The following IPCEF1 variants were observed in gnomAD, a reference collection of about 807,000 sequenced individuals.
IPCEF1 encodes interaction protein for cytohesin exchange factors 1.
Under a neutral mutation model 50.9 loss-of-function variants are expected in IPCEF1, and 31 were observed. The observed-to-expected ratio is 0.61, with a 90% CI of 0.46 to 0.82. The LOEUF (loss-of-function observed/expected upper bound fraction) is 0.82. IPCEF1 is among the 40% of genes least tolerant of loss of function. The pLI is 0.00. For synonymous variants in IPCEF1, 181 were observed against 192.0 expected, an observed-to-expected ratio of 0.94 and a Z score of 0.47; for missense variants, 458 against 514.0, an observed-to-expected ratio of 0.89 and a Z score of 1.05.
At chr6:154,346,012 T>C (rs1332163480) in intron 1 of IPCEF1, among the ~76,000 whole-genome samples, 1 of 152,014 alleles carries the variant, frequency 6.6e-6, no homozygotes, top group Non-Finnish European at 1.5e-5. Context: ...ACCACAGGCA[T>C]GTGCCACCGC....
intron 10 of IPCEF1, among the ~76,000 whole-genome samples, chr6:154,169,433 A>G (rs926912133): frequency 6.6e-6 from 1 of 152,224 alleles, no homozygotes; most frequent in Middle Eastern, 3.2e-3. Context: ...ATCCTGAGAC[A>G]AAATTCATCT....
rs1227536621 is a variant in IPCEF1 at position 154,247,443 on chromosome 6, A to C, written c.76+6T>G. 1 of 1,611,018 alleles carries C rather than the reference A, an allele frequency of 6.2e-7. No individual in the cohort carries two copies. The highest frequency in any genetic ancestry group is 2.2e-5 in the East Asian group (1 of 44,876). ...GGAGATAAAGAAACAAAAGAGATCT[A>C]ATTACCTTGAGTTTTCCTCCTGGGC... On this transcript the variant is annotated splice_donor_region_variant and intron_variant, in intron 4 of 11. Transcript: ENST00000367220.
At chr6:154,172,709 A>G (rs1799975413) in intron 10 of IPCEF1, among the ~76,000 whole-genome samples, 1 of 152,226 alleles carries the variant, frequency 6.6e-6, no homozygotes, top group African/African-American at 2.4e-5. Context: ...CTGCCTCTCT[A>G]GATTCCACCT....
chr6:154,210,819 T>G (rs1210149000), intron 9 of IPCEF1, among the ~76,000 whole-genome samples: 1 of 152,238 alleles, frequency 6.6e-6, no homozygotes, highest in Non-Finnish European at 1.5e-5. Flanking sequence ...TAATCATATT[T>G]AATAGATAGT....
Position 154,159,916 on chromosome 6 carries a change from C to A in IPCEF1, c.1229G>T (p.Arg410Leu), listed in dbSNP as rs1262889668. The change falls in exon 12 of 12, where the codon CGG becomes CTG. Residue 410 changes from arginine to leucine, a missense_variant. Physicochemically the swap from Arg to Leu is moderately radical, Grantham distance 102. Coordinates refer to ENST00000367220, the MANE Select transcript of IPCEF1 (RefSeq NM_001130700.2). ...LLIQDIYQQQ[R>L]ASPAPDDTDD... ...AGTGTCATCAGGGGCAGGCGAAGCC[C>A]GCTGCTGCTGATAGATGTCCTGGAT... The A allele has an allele frequency of 1.2e-6, 2 of 1,613,556 alleles. No homozygotes were observed.
At chr6:154,232,973 T>A (rs1248613932) in intron 5 of IPCEF1, among the ~76,000 whole-genome samples, 3 of 150,550 alleles carry the variant, frequency 2.0e-5, no homozygotes, top group African/African-American at 7.3e-5. Context: ...TCTTTTCTTT[T>A]TTTTTTTTTT....
chr6:154,237,120 C>G (rs1213311775), intron 5 of IPCEF1, among the ~76,000 whole-genome samples: 1 of 152,108 alleles, frequency 6.6e-6, no homozygotes, highest in African/African-American at 2.4e-5. Context: ...GGAACCTGAC[C>G]CTTAAAAGAG....
At position 154,156,617 on chromosome 6, in the gene IPCEF1, A is replaced by G. The variant is rs1344841609; in HGVS notation, c.*3211T>C. On this transcript the variant is annotated 3_prime_UTR_variant, in exon 12 of 12. Transcript: ENST00000367220. ...AATGTAAGGCATGGGTTTCACATTG[A>G]AATCTGACTCCAAACACAATCTCTT... is the stretch of plus-strand genomic sequence containing the variant. The G allele has an allele frequency of 6.6e-6, 1 of 152,350 alleles. No homozygotes were observed. The highest frequency in any genetic ancestry group is 1.9e-4 in the East Asian group (1 of 5,184). 9.4% of individuals were successfully genotyped at this position (152,350 alleles called of 1,614,324 possible). A position where few individuals can be genotyped will look rare whatever the true frequency, so the allele number is the denominator to read the frequency against.
intron 1 of IPCEF1, among the ~76,000 whole-genome samples, chr6:154,296,696 G>A (rs1431173606): frequency 6.6e-6 from 1 of 151,988 alleles, no homozygotes; most frequent in Non-Finnish European, 1.5e-5. Context: ...AGGCATGGTG[G>A]CGGGCGCCTG....
At chr6:154,231,658 T>C (rs1779730617) in intron 5 of IPCEF1, among the ~76,000 whole-genome samples, 2 of 152,126 alleles carry the variant, frequency 1.3e-5, no homozygotes, top group African/African-American at 4.8e-5. Flanking sequence ...GAGGAAGAGA[T>C]TTGACTCAAT....
intron 1 of IPCEF1, among the ~76,000 whole-genome samples, chr6:154,299,683 G>A (rs1022680020): frequency 7.1e-6 from 1 of 140,380 alleles, no homozygotes; most frequent in African/African-American, 2.5e-5. Flanking sequence ...GATAGGTGCA[G>A]CAAACCACCG....
chr6:154,219,985 AGTGTGTGTGTGTGTGTGTGTGT>A (rs57450665), intron 7 of IPCEF1, among the ~76,000 whole-genome samples: 4 of 140,052 alleles, frequency 2.9e-5, no homozygotes, highest in African/African-American at 7.9e-5. Context: ...ACCTGTAAGG[AGTGTGTGTGTGTGTGTGTGTGT>A]GTGTGTGTGT....
chr6:154,241,901 C>T (rs779512344), intron 5 of IPCEF1, among the ~76,000 whole-genome samples: 1 of 152,176 alleles, frequency 6.6e-6, no homozygotes, highest in Non-Finnish European at 1.5e-5. Flanking sequence ...CCCTAAGTCA[C>T]CTCTAAATGG....
chr6:154,305,217 G>T (rs908434126), intron 1 of IPCEF1, among the ~76,000 whole-genome samples: 3 of 152,186 alleles, frequency 2.0e-5, no homozygotes, highest in African/African-American at 7.2e-5. Flanking sequence ...ACCCAGTCAG[G>T]TGTCTGTCTT....
At chr6:154,221,108 G>A (rs147178435) in intron 7 of IPCEF1, 149 bp downstream of exon 7, 10 of 597,780 alleles carry the variant, frequency 1.7e-5, no homozygotes, top group African/African-American at 1.3e-4. Flanking sequence ...AAGAAAGCAC[G>A]AAGGCATTGT....
intron 6 of IPCEF1, 89 bp from the exon 7 acceptor site, chr6:154,221,417 G>A (rs2128616800): frequency 2.1e-6 from 2 of 961,506 alleles, no homozygotes; most frequent in Non-Finnish European, 3.2e-6. Flanking sequence ...TACAAGCTTT[G>A]TAAACTTGTC....
intron 10 of IPCEF1, among the ~76,000 whole-genome samples, chr6:154,179,328 A>T (rs1012086568): frequency 2.6e-5 from 4 of 152,218 alleles, no homozygotes; most frequent in East Asian, 3.8e-4. Flanking sequence ...GCAGTATTTT[A>T]AAAATTTCCC....
intron 1 of IPCEF1, among the ~76,000 whole-genome samples, chr6:154,345,255 C>T (rs2473542): frequency 0.78 from 118,808 of 152,244 alleles, 47,903 homozygotes; most frequent in African/African-American, 0.95. Flanking sequence ...TTTTCTAATA[C>T]TTATTTTATA....
At chr6:154,295,968 AG>A (rs1782647157) in intron 1 of IPCEF1, among the ~76,000 whole-genome samples, 1 of 152,056 alleles carries the variant, frequency 6.6e-6, no homozygotes, top group Non-Finnish European at 1.5e-5. Flanking sequence ...CATCTAATGT[AG>A]CAGGTCATGT....
Sources: gnomAD v4.1 joint callset for allele counts (sites outside exome capture counted in the v4.1 genomes callset) on GRCh38, gnomAD v4.1.1 for gene constraint, MANE v1.5 for transcripts, NCBI Gene and HGNC (gene_info 2026-07-23, HGNC 2026-07-21) for gene names.